CLDN10: variants seen among roughly 807,000 people sequenced by gnomAD.
The protein encoded by CLDN10 is claudin 10.
Under a neutral mutation model 22.9 loss-of-function variants are expected in CLDN10, and 15 were observed. The ratio of observed to expected loss-of-function variants is 0.65; its 90% CI spans 0.44 to 1.01. CLDN10 has a LOEUF of 1.01. Among genes scored for constraint, CLDN10 ranks in the 50% least tolerant of loss-of-function variants. The probability of loss-of-function intolerance (pLI) is 0.00; values close to 1 mark genes in which losing one functional copy is unlikely to be tolerated. For synonymous variants in CLDN10, 114 were observed against 111.4 expected, an observed-to-expected ratio of 1.02 and a Z score of -0.15; for missense variants, 247 against 287.8, an observed-to-expected ratio of 0.86 and a Z score of 1.03.
intron 4 of CLDN10, 59 bp downstream of exon 4, chr13:95,577,397 C>T (rs2043949793): frequency 6.6e-6 from 7 of 1,067,908 alleles, no homozygotes; most frequent in African/African-American, 4.7e-5. Context: ...TAAATCATTA[C>T]ATGTGGAACA....
chr13:95,500,936 G>C (rs955730336), intron 1 of CLDN10, among the ~76,000 whole-genome samples: 1 of 152,200 alleles, frequency 6.6e-6, no homozygotes, highest in African/African-American at 2.4e-5. Flanking sequence ...GGAAGAAGCA[G>C]AGAGGGCGCG....
intron 1 of CLDN10, among the ~76,000 whole-genome samples, chr13:95,439,999 C>T (rs550175729): frequency 3.3e-5 from 5 of 151,680 alleles, no homozygotes; most frequent in South Asian, 4.2e-4. Context: ...CCACAACCTC[C>T]GCCTCCCAGG....
chr13:95,457,879 A>G (rs562628915), intron 1 of CLDN10, among the ~76,000 whole-genome samples: 33 of 152,258 alleles, frequency 2.2e-4, no homozygotes, highest in Admixed American at 9.2e-4. Context: ...TGAGTTAGCT[A>G]TTGTCAGAAA....
intron 1 of CLDN10, among the ~76,000 whole-genome samples, chr13:95,539,573 G>A (rs1187485902): frequency 3.3e-5 from 5 of 152,200 alleles, no homozygotes; most frequent in Admixed American, 2.6e-4. Context: ...CTGGAAGAAA[G>A]TTGTTGCATT....
At chr13:95,446,554 T>C (rs1403530997) in intron 1 of CLDN10, among the ~76,000 whole-genome samples, 1 of 152,186 alleles carries the variant, frequency 6.6e-6, no homozygotes, top group East Asian at 1.9e-4. Context: ...AGAATTAATA[T>C]AAGAAGGTTG....
In CLDN10 at chr13:95,578,188, A is replaced by G; in HGVS notation, c.*174A>G. The G allele has an allele frequency of 2.4e-6, 1 of 421,074 alleles. No individual in the cohort carries two copies. The highest frequency in any genetic ancestry group is 4.2e-5 in the Admixed American group (1 of 23,968). 26.1% of individuals were successfully genotyped at this position (421,074 alleles called of 1,614,324 possible). ...TTCTTACATAGTTAGTTATATACTA[A>G]TCATTTTCTGTTGTGGCTTTCTATA... is the stretch of plus-strand genomic sequence containing the variant. On this transcript the variant is annotated 3_prime_UTR_variant, in exon 5 of 5. Coordinates refer to ENST00000299339, the MANE Select transcript of CLDN10 (RefSeq NM_006984.5).
intron 1 of CLDN10, among the ~76,000 whole-genome samples, chr13:95,452,785 T>C (rs544087229): frequency 6.6e-6 from 1 of 152,352 alleles, no homozygotes; most frequent in African/African-American, 2.4e-5. Flanking sequence ...ATAGTTGTTC[T>C]TTCATGTATC....
At chr13:95,512,522 T>A (rs1375105228) in intron 1 of CLDN10, among the ~76,000 whole-genome samples, 8 of 152,130 alleles carry the variant, frequency 5.3e-5, no homozygotes, top group Non-Finnish European at 1.0e-4. Context: ...ATAGCGAGTG[T>A]TTTAACTTCC....
rs555935728 is a variant in CLDN10, at chr13:95,514,215, C to T, written c.215-45917C>T. ...TGGAGGTTACAGTGAGCTGTGATTA[C>T]ACCACTGCACTCCAGCCTGGGTGAC... is the stretch of plus-strand genomic sequence containing the variant. On this transcript the variant is annotated intron_variant, in intron 1 of 4. Transcript: ENST00000376873. Among the ~76,000 whole-genome samples, 19 of 152,244 alleles carry T rather than the reference C, an allele frequency of 1.2e-4. 1 individual carries two copies. The highest frequency in any genetic ancestry group is 4.6e-4 in the African/African-American group (19 of 41,532).
chr13:95,558,360 C>T (rs1316880817), intron 1 of CLDN10, among the ~76,000 whole-genome samples: 2 of 152,170 alleles, frequency 1.3e-5, no homozygotes, highest in African/African-American at 4.8e-5. Context: ...ACCCAGATAG[C>T]CCTGCAGCAC....
chr13:95,542,787 A>T (rs967377114), intron 1 of CLDN10, among the ~76,000 whole-genome samples: 2 of 152,216 alleles, frequency 1.3e-5, no homozygotes, highest in Non-Finnish European at 2.9e-5. Flanking sequence ...AGCCTGGGCA[A>T]CAGAGCTAGA....
At chr13:95,514,905 G>A (rs537489725) in intron 1 of CLDN10, among the ~76,000 whole-genome samples, 47 of 152,258 alleles carry the variant, frequency 3.1e-4, no homozygotes, top group Middle Eastern at 6.8e-3. Context: ...ATGATGTCCC[G>A]CAGACTTGCA....
intron 1 of CLDN10, among the ~76,000 whole-genome samples, chr13:95,536,469 T>A (rs527791652): frequency 6.6e-6 from 1 of 151,712 alleles, no homozygotes; most frequent in Non-Finnish European, 1.5e-5. Context: ...AAAAGAAAAA[T>A]CATCCAAGGG....
intron 1 of CLDN10, among the ~76,000 whole-genome samples, chr13:95,530,475 G>C (rs1383007267): frequency 6.6e-6 from 1 of 152,138 alleles, no homozygotes; most frequent in Non-Finnish European, 1.5e-5. Context: ...CCCAGGAAAG[G>C]CTGCCAAGAA....
intron 1 of CLDN10, among the ~76,000 whole-genome samples, chr13:95,462,611 G>C (rs66467518): frequency 0.3 from 45,679 of 152,104 alleles, 8,425 homozygotes; most frequent in Non-Finnish European, 0.41. Context: ...AAAGGAGTCA[G>C]GGCCTGGGGA....
upstream of CLDN10, among the ~76,000 whole-genome samples, chr13:95,552,087 G>T (rs574595034): frequency 6.6e-6 from 1 of 152,308 alleles, no homozygotes; most frequent in South Asian, 2.1e-4. Context: ...TTGACTTTAG[G>T]CCTGTGCCAC....
intron 1 of CLDN10, among the ~76,000 whole-genome samples, chr13:95,451,228 G>C (rs535569873): frequency 6.6e-6 from 1 of 152,298 alleles, no homozygotes; most frequent in South Asian, 2.1e-4. Context: ...CAGTCCTCCT[G>C]CTTCAATCGA....
intron 3 of CLDN10, among the ~76,000 whole-genome samples, chr13:95,571,618 A>G (rs2043862784): frequency 1.3e-5 from 2 of 152,220 alleles, no homozygotes; most frequent in African/African-American, 2.4e-5. Flanking sequence ...TGGGGCCCCA[A>G]AAGAATGAGG....
chr13:95,471,358 A>G (rs868610681), intron 1 of CLDN10, among the ~76,000 whole-genome samples: 1,641 of 144,144 alleles, frequency 0.011, 42 homozygotes, highest in African/African-American at 0.039. Context: ...ATGGATATAT[A>G]TGTGTGTGTG....
Sources: gnomAD v4.1 joint callset for allele counts (sites outside exome capture counted in the v4.1 genomes callset) on GRCh38, gnomAD v4.1.1 for gene constraint, MANE v1.5 for transcripts, NCBI Gene and HGNC (gene_info 2026-07-23, HGNC 2026-07-21) for gene names.